TRIM2: variants seen among roughly 807,000 people sequenced by gnomAD.
The protein encoded by TRIM2 is tripartite motif containing 2.
A neutral mutation model predicts 75.2 loss-of-function variants in TRIM2; 20 were observed. That is an observed-to-expected ratio of 0.27 (90% confidence interval 0.19 to 0.39). TRIM2 has a LOEUF of 0.39. Among genes scored for constraint, TRIM2 ranks in the 10% least tolerant of loss-of-function variants. The probability of loss-of-function intolerance (pLI) is 1.00; values close to 1 mark genes in which losing one functional copy is unlikely to be tolerated. For missense variants in TRIM2, 660 were observed against 990.8 expected (o/e 0.67, Z 4.48); for synonymous variants, 373 against 388.3 (o/e 0.96, Z 0.46).
chr4:153,244,437 T>TCTTCCTCTTC (rs1206105496), intron 1 of TRIM2, among the ~76,000 whole-genome samples: 2 of 102,522 alleles, frequency 2.0e-5, no homozygotes, highest in African/African-American at 5.4e-5. Context: ...TTCTTCTTCT[T>TCTTCCTCTTC]TTAATTAGAG....
chr4:153,169,317 C>T lies in TRIM2; in HGVS notation c.-49+16047C>T, dbSNP rs932435331. 2.0e-5 allele frequency among the ~76,000 whole-genome samples: 3 copies of T among 152,186 alleles called. No individual in the cohort carries two copies. In the East Asian group the frequency reaches 5.8e-4, roughly 29 times the overall value. On this transcript the variant is annotated intron_variant, in intron 1 of 11. Transcript: ENST00000437508. ...AAGAAACTTTGCTGTGACTGACCTG[C>T]CTCAGAAAACTTAGACTCCCACACC... is the stretch of plus-strand genomic sequence containing the variant.
intron 1 of TRIM2, among the ~76,000 whole-genome samples, chr4:153,244,121 A>ATCT (rs895189975): frequency 2.5e-4 from 37 of 145,824 alleles, no homozygotes; most frequent in South Asian, 1.5e-3. Context: ...TGCCACTGCC[A>ATCT]TCTTCTTCTT....
At chr4:153,321,250 C>T (rs908692520) in intron 8 of TRIM2, among the ~76,000 whole-genome samples, 4 of 152,218 alleles carry the variant, frequency 2.6e-5, no homozygotes, top group East Asian at 1.9e-4. Context: ...GCAAGAGCTA[C>T]GTCTTATTTG....
chr4:153,197,439 G>A (rs1733891133), intron 1 of TRIM2, among the ~76,000 whole-genome samples: 1 of 152,182 alleles, frequency 6.6e-6, no homozygotes, highest in African/African-American at 2.4e-5. Flanking sequence ...CATGCTGCCT[G>A]TGCATCTGCT....
upstream of TRIM2, among the ~76,000 whole-genome samples, chr4:153,200,186 C>T (rs1433944864): frequency 6.6e-6 from 1 of 152,242 alleles, no homozygotes; most frequent in East Asian, 1.9e-4. Flanking sequence ...AGTGATCGGC[C>T]TCCCAAAGTG....
intron 1 of TRIM2, among the ~76,000 whole-genome samples, chr4:153,236,293 C>T (rs1333875219): frequency 6.6e-6 from 1 of 152,084 alleles, no homozygotes; most frequent in Admixed American, 6.6e-5. Context: ...AACATGGCTT[C>T]TATTGCATGT....
intron 1 of TRIM2, among the ~76,000 whole-genome samples, chr4:153,240,629 A>G (rs1375711677): frequency 2.0e-5 from 3 of 152,224 alleles, no homozygotes; most frequent in Non-Finnish European, 4.4e-5. Context: ...TTCAGAATAC[A>G]TGAAAAAGCA....
At chr4:153,330,897 T>G (rs1276152302) in intron 11 of TRIM2, among the ~76,000 whole-genome samples, 5 of 151,908 alleles carry the variant, frequency 3.3e-5, no homozygotes, top group Non-Finnish European at 7.4e-5. Flanking sequence ...CAAATTAGAG[T>G]GGAAGAAATT....
At chr4:153,244,121 ATCTTCTTCTTCTTCTTCTTCTT>A in intron 1 of TRIM2, among the ~76,000 whole-genome samples, 2 of 145,828 alleles carry the variant, frequency 1.4e-5, no homozygotes, top group East Asian at 2.0e-4. Context: ...TGCCACTGCC[ATCTTCTTCTTCTTCTTCTTCTT>A]GTTCTTCTTG....
intron 1 of TRIM2, chr4:153,223,107 G>A (rs1040051129): frequency 6.6e-6 from 1 of 152,226 alleles, no homozygotes; most frequent in African/African-American, 2.4e-5. Flanking sequence ...GCCGGAGCGT[G>A]CGGGAAGCCT....
intron 1 of TRIM2, among the ~76,000 whole-genome samples, chr4:153,253,008 A>C (rs13107078): frequency 6.6e-6 from 1 of 152,072 alleles, no homozygotes; most frequent in African/African-American, 2.4e-5. Flanking sequence ...GGGTTAGTGA[A>C]TTAAAGGTAA....
chr4:153,225,913 C>T (rs375741168), intron 1 of TRIM2, among the ~76,000 whole-genome samples: 1 of 152,174 alleles, frequency 6.6e-6, no homozygotes, highest in Non-Finnish European at 1.5e-5. Flanking sequence ...CTTTGTCACC[C>T]AAACTTCAGT....
intron 6 of TRIM2, among the ~76,000 whole-genome samples, chr4:153,300,434 C>T (rs1177731121): frequency 6.6e-6 from 1 of 152,156 alleles, no homozygotes; most frequent in African/African-American, 2.4e-5. Context: ...TATGTGCCGC[C>T]ATACCTGACT....
chr4:153,296,067 G>A (rs928557617), intron 6 of TRIM2, 31 bp downstream of exon 6: 1 of 1,511,466 alleles, frequency 6.6e-7, no homozygotes, highest in Non-Finnish European at 8.8e-7. Context: ...CCCGACGCCT[G>A]AGCTGGCACT....
intron 1 of TRIM2, among the ~76,000 whole-genome samples, chr4:153,216,961 A>G (rs1443622420): frequency 6.6e-6 from 1 of 152,218 alleles, no homozygotes; most frequent in East Asian, 1.9e-4. Flanking sequence ...TTCAGGCCAC[A>G]GCAATGAGAT....
chr4:153,221,763 T>TAAGGAAGGAAGGAAAGCGG (rs370972042), intron 1 of TRIM2, among the ~76,000 whole-genome samples: 1 of 76,264 alleles, frequency 1.3e-5, no homozygotes, highest in African/African-American at 4.5e-5. Context: ...AGGGAGGAAA[T>TAAGGAAGGAAGGAAAGCGG]AAGGAAGGAA....
intron 1 of TRIM2, among the ~76,000 whole-genome samples, chr4:153,208,752 A>T (rs1338104482): frequency 2.0e-5 from 3 of 152,172 alleles, no homozygotes; most frequent in Admixed American, 6.5e-5. Context: ...AGTGCTTGGC[A>T]TGGGGTCGTT....
chr4:153,190,631 AG>A (rs1733086493), intron 1 of TRIM2, among the ~76,000 whole-genome samples: 1 of 152,228 alleles, frequency 6.6e-6, no homozygotes, highest in African/African-American at 2.4e-5. Flanking sequence ...CTCAGAAAAA[AG>A]ATGGATGTCA....
chr4:153,194,491 T>C (rs1037282870), intron 1 of TRIM2, among the ~76,000 whole-genome samples: 11 of 152,200 alleles, frequency 7.2e-5, no homozygotes, highest in South Asian at 2.1e-4. Flanking sequence ...AAGTATAATC[T>C]GTATGATTCC....
Sources: allele counts gnomAD v4.1 joint callset (sites outside exome capture counted in the v4.1 genomes callset), GRCh38; gene constraint gnomAD v4.1.1; transcripts MANE v1.5; gene names NCBI Gene and HGNC (gene_info 2026-07-23, HGNC 2026-07-21).